The following RPS6KA1 variants were observed in gnomAD, a reference collection of about 807,000 sequenced individuals.
RPS6KA1 encodes the protein ribosomal protein S6 kinase A1.
In RPS6KA1, 48 loss-of-function variants were observed where a neutral mutation model predicts 91.3. The ratio of observed to expected loss-of-function variants is 0.53; its 90% CI spans 0.42 to 0.67. The LOEUF (loss-of-function observed/expected upper bound fraction) is 0.67. Ranked by LOEUF, RPS6KA1 falls within the 30% of genes least tolerant of loss-of-function variation. RPS6KA1 has a pLI of 0.00. For missense variants in RPS6KA1, 719 were observed against 960.5 expected, an observed-to-expected ratio of 0.75 and a Z score of 3.32; for synonymous variants, 359 against 384.7, an observed-to-expected ratio of 0.93 and a Z score of 0.78.
chr1:26,536,526 G>C (rs2075907894), intron 1 of RPS6KA1, among the ~76,000 whole-genome samples: 1 of 152,208 alleles, frequency 6.6e-6, no homozygotes, highest in Non-Finnish European at 1.5e-5. Flanking sequence ...CCATGTTACA[G>C]ATGGGGAAAC....
In RPS6KA1 at chr1:26,574,540, C is replaced by T. The variant is rs926783660; in HGVS notation, c.*339C>T. On this transcript the variant is annotated 3_prime_UTR_variant, in exon 22 of 22. Transcript: ENST00000374168. This position sits in a 1 kb window ranked among gnomAD's most constrained non-coding sequence, Gnocchi z 4.3. Reference sequence around the variant, plus strand: ...CGGCCCCAGGAGGGGAACTGAGTCACGCTGGGGCTCTCTGAGACTCTTTAG... The same window carrying T: ...CGGCCCCAGGAGGGGAACTGAGTCATGCTGGGGCTCTCTGAGACTCTTTAG... The T allele has an allele frequency of 2.5e-5, 12 of 470,614 alleles. No individual in the cohort carries two copies. The highest frequency in any genetic ancestry group is 1.2e-4 in the Admixed American group (5 of 41,484). The allele number at this position is 470,614 out of a possible 1,614,324, so 29.2% of individuals were successfully genotyped here.
At chr1:26,543,936 C>T (rs1359617873) in intron 2 of RPS6KA1, 3 of 386,518 alleles carry the variant, frequency 7.8e-6, no homozygotes, top group Middle Eastern at 7.4e-4. Flanking sequence ...CTGTCTGGGT[C>T]CCCCTCAGGT....
Position 26,568,061 on chromosome 1 carries a change from A to G in RPS6KA1, c.1591-3388A>G, listed in dbSNP as rs567698440. On this transcript the variant is annotated intron_variant, in intron 17 of 21. Coordinates refer to ENST00000374168, the MANE Select transcript of RPS6KA1 (RefSeq NM_002953.4). ...TATATTTTGTTTGGCCTGCAAGATA[A>G]GGGGTGTTTTTTGATTTGAGGTATG... Among the ~76,000 whole-genome samples, 5 of 152,302 alleles carry G rather than the reference A, an allele frequency of 3.3e-5. No homozygotes were observed. The East Asian group carries it at 5.8e-4, about 18-fold the overall frequency.
rs1036529636 is a variant in RPS6KA1, at chr1:26,529,853, AC to A, written c.-64del. 3.1e-5 allele frequency: 39 copies of A among 1,251,782 alleles called. 1 individual carries two copies. The East Asian group carries it at 1.3e-3, about 43-fold the overall frequency. 77.5% of individuals were successfully genotyped at this position (1,251,782 alleles called of 1,614,324 possible). A position where few individuals can be genotyped will look rare whatever the true frequency, so the allele number is the denominator to read the frequency against. On this transcript the variant is annotated 5_prime_UTR_variant, in exon 1 of 22. Coordinates refer to ENST00000374168, the MANE Select transcript of RPS6KA1 (RefSeq NM_002953.4). This position sits in a 1 kb window ranked among gnomAD's most constrained non-coding sequence, Gnocchi z 4.2. ...GGCGGTTCGGGTCGCAGAGCCAGGG[AC>A]CCCAGGACCCGGGAGGCGGCGCAGC... is the stretch of plus-strand genomic sequence containing the variant.
At chr1:26,549,063 C>T (rs1362020625) in intron 4 of RPS6KA1, among the ~76,000 whole-genome samples, 1 of 150,596 alleles carries the variant, frequency 6.6e-6, no homozygotes, top group East Asian at 1.9e-4. Flanking sequence ...CTAAGATAAG[C>T]AGCTGTGAGC....
intron 2 of RPS6KA1, among the ~76,000 whole-genome samples, 194 bp downstream of exon 2, chr1:26,537,163 C>T (rs531952293): frequency 4.6e-5 from 7 of 152,328 alleles, no homozygotes; most frequent in South Asian, 4.1e-4. Context: ...GTAGGTGAGG[C>T]GACTGTGGCC....
chr1:26,541,010 G>C (rs920828657), intron 2 of RPS6KA1, among the ~76,000 whole-genome samples: 3 of 151,912 alleles, frequency 2.0e-5, no homozygotes, highest in African/African-American at 7.3e-5. Context: ...GGCTGGTCTC[G>C]AACTCCCGAC....
chr1:26,549,624 T>A (rs946943723), intron 4 of RPS6KA1, among the ~76,000 whole-genome samples: 3 of 151,164 alleles, frequency 2.0e-5, no homozygotes, highest in African/African-American at 7.3e-5. Flanking sequence ...TAATCAATAT[T>A]GTGATAAACT....
rs566778480 is a variant in RPS6KA1 at position 26,561,479 on chromosome 1, G to A, written c.1432-26G>A. 81 of 1,614,086 alleles carry A rather than the reference G, an allele frequency of 5.0e-5. No individual in the cohort carries two copies. In the South Asian group the frequency reaches 6.1e-4, roughly 12 times the overall value. On this transcript the variant is annotated intron_variant, in intron 16 of 21. Coordinates refer to ENST00000374168, the MANE Select transcript of RPS6KA1 (RefSeq NM_002953.4). The surrounding 1 kb of genome is among the most constrained non-coding windows in gnomAD (Gnocchi z 5.7). ...GGCTCAGGCCTGACACTGGGGAGAA[G>A]AGCCTGATGGTGAGGTCTTCGGCAG...
At chr1:26,537,359 C>G (rs2075914814) in intron 2 of RPS6KA1, among the ~76,000 whole-genome samples, 1 of 152,200 alleles carries the variant, frequency 6.6e-6, no homozygotes, top group Admixed American at 6.5e-5. Context: ...AAGTGAGCAT[C>G]TGGGCACGTG....
chr1:26,541,577 G>A (rs1019171437), intron 2 of RPS6KA1, among the ~76,000 whole-genome samples: 3 of 152,158 alleles, frequency 2.0e-5, no homozygotes, highest in Non-Finnish European at 2.9e-5. Context: ...GGCTGTGTGC[G>A]TGCAGCAACT....
intron 21 of RPS6KA1, 81 bp from the exon 22 acceptor site, chr1:26,573,998 G>A (rs1383959012): frequency 1.9e-5 from 28 of 1,506,936 alleles, no homozygotes; most frequent in Non-Finnish European, 1.9e-5. Flanking sequence ...ACTGAGAGGG[G>A]CTGGCCTACC....
chr1:26,530,718 C>T (rs975696878), intron 1 of RPS6KA1: 2 of 1,272,728 alleles, frequency 1.6e-6, no homozygotes, highest in Non-Finnish European at 2.0e-6. Context: ...CCAGACTCCC[C>T]AGACAACCCA....
intron 2 of RPS6KA1, among the ~76,000 whole-genome samples, chr1:26,546,512 G>C (rs765752565): frequency 6.6e-6 from 1 of 152,158 alleles, no homozygotes; most frequent in South Asian, 2.1e-4. Context: ...ACTTCCTATT[G>C]TGGCAACACT....
rs1445780629 is a variant in RPS6KA1 at position 26,551,023 on chromosome 1, CA to C, written c.308-373del. 6.6e-6 allele frequency among the ~76,000 whole-genome samples: 1 copy of C among 152,000 alleles called. No individual in the cohort carries two copies. The highest frequency in any genetic ancestry group is 2.4e-5 in the African/African-American group (1 of 41,370). On this transcript the variant is annotated intron_variant, in intron 4 of 21. Transcript: ENST00000374168. The surrounding 1 kb of genome is among the most constrained non-coding windows in gnomAD (Gnocchi z 4.5). ...GAAAGCAGAGCTGGTGAAGGCATGC[CA>C]GGGGGAGGTGCAGAGGCAAAGTCTG...
Position 26,529,880 on chromosome 1 carries a change from CG to C in RPS6KA1, c.-37del, listed in dbSNP as rs780569048. ...CCCAGGACCCGGGAGGCGGCGCAGCCGGGGCCGCCGGAGGAGCGCGGGTGAC... is the reference window on the plus strand; with the variant it reads ...CCCAGGACCCGGGAGGCGGCGCAGCCGGGCCGCCGGAGGAGCGCGGGTGAC... On this transcript the variant is annotated 5_prime_UTR_variant, in exon 1 of 22. Coordinates refer to ENST00000374168, the MANE Select transcript of RPS6KA1 (RefSeq NM_002953.4). This position sits in a 1 kb window ranked among gnomAD's most constrained non-coding sequence, Gnocchi z 4.2. The C allele has an allele frequency of 5.7e-6, 8 of 1,396,410 alleles. No homozygotes were observed. The highest frequency in any genetic ancestry group is 2.6e-4 in the Middle Eastern group (1 of 3,788). The allele number at this position is 1,396,410 out of a possible 1,614,324, so 86.5% of individuals were successfully genotyped here.
intron 2 of RPS6KA1, among the ~76,000 whole-genome samples, chr1:26,537,853 C>T (rs748708230): frequency 3.3e-5 from 5 of 152,228 alleles, no homozygotes; most frequent in Non-Finnish European, 7.4e-5. Flanking sequence ...GAAACAGTGT[C>T]TGTCTCACAG....
At chr1:26,570,889 G>A (rs548816041) in intron 17 of RPS6KA1, among the ~76,000 whole-genome samples, 61 of 152,310 alleles carry the variant, frequency 4.0e-4, no homozygotes, top group African/African-American at 1.3e-3. Context: ...TTGGGAGGCC[G>A]AGGCAGGCAG....
At position 26,558,703 on chromosome 1, in the gene RPS6KA1, C is replaced by G; in HGVS notation, c.1085-104C>G. 1.5e-6 allele frequency: 2 copies of G among 1,376,176 alleles called. No individual in the cohort carries two copies. Among genetic ancestry groups the G allele is most frequent in the South Asian group, 1.4e-5 (1 of 72,646 alleles). The allele number at this position is 1,376,176 out of a possible 1,614,324, so 85.2% of individuals were successfully genotyped here. On this transcript the variant is annotated intron_variant, in intron 13 of 21. Coordinates refer to ENST00000374168, the MANE Select transcript of RPS6KA1 (RefSeq NM_002953.4). The surrounding 1 kb of genome is among the most constrained non-coding windows in gnomAD (Gnocchi z 4.0). The stretch of plus-strand genomic sequence containing the variant: ...CTCTGCAGGCTCCCGCCACGGCCAG[C>G]CCCTGAGGCAGGTCTGGAGGCCCTG...
Sources: gnomAD v4.1 joint callset for allele counts (sites outside exome capture counted in the v4.1 genomes callset) on GRCh38, gnomAD v4.1.1 for gene constraint, Gnocchi (gnomAD v3.1) non-coding constraint, MANE v1.5 for transcripts, NCBI Gene and HGNC (gene_info 2026-07-23, HGNC 2026-07-21) for gene names.